The following DPY19L2 variants were observed in gnomAD, a reference collection of about 807,000 sequenced individuals.
DPY19L2 encodes the protein dpy-19 like 2.
In DPY19L2, 34 loss-of-function variants were observed where a neutral mutation model predicts 97.9. That is an observed-to-expected ratio of 0.35 (90% CI 0.26 to 0.46). DPY19L2 has a LOEUF of 0.46. Among genes scored for constraint, DPY19L2 ranks in the 20% least tolerant of loss-of-function variants. The pLI, the probability that DPY19L2 is intolerant of heterozygous loss-of-function variation, is 1.00. For synonymous variants in DPY19L2, 230 were observed against 307.9 expected (o/e 0.75, Z 2.65); for missense variants, 623 against 911.4 (o/e 0.68, Z 4.07).
intron 19 of DPY19L2, among the ~76,000 whole-genome samples, chr12:63,572,818 T>A (rs953044625): frequency 2.0e-5 from 3 of 152,114 alleles, no homozygotes; most frequent in Admixed American, 2.0e-4. Context: ...TTCTGGATTT[T>A]ATCCAAGACC....
chr12:63,616,868 G>A (rs1565774190), intron 11 of DPY19L2, among the ~76,000 whole-genome samples: 1 of 151,944 alleles, frequency 6.6e-6, no homozygotes, highest in Non-Finnish European at 1.5e-5. Context: ...CAAAATTTTG[G>A]TCATTTCCAA....
At chr12:63,590,474 G>T (rs558928618) in intron 16 of DPY19L2, among the ~76,000 whole-genome samples, 37 of 152,048 alleles carry the variant, frequency 2.4e-4, no homozygotes, top group Admixed American at 2.6e-4. Context: ...CAAAACATTG[G>T]TTTTTTTAAG....
intron 19 of DPY19L2, among the ~76,000 whole-genome samples, chr12:63,574,966 A>G (rs183655990): frequency 6.7e-4 from 102 of 152,160 alleles, no homozygotes; most frequent in African/African-American, 2.3e-3. Context: ...AGGACCTAAT[A>G]GATACTTACA....
At chr12:63,590,119 A>C (rs1419731017) in intron 16 of DPY19L2, among the ~76,000 whole-genome samples, 9 of 139,962 alleles carry the variant, frequency 6.4e-5, no homozygotes, top group Admixed American at 2.7e-4. Flanking sequence ...CAAAAAAAAC[A>C]AAACAAAACA....
At chr12:63,628,177 A>C (rs2137887341) in intron 6 of DPY19L2, among the ~76,000 whole-genome samples, 1 of 152,246 alleles carries the variant, frequency 6.6e-6, no homozygotes, top group Middle Eastern at 3.4e-3. Flanking sequence ...TTTCCAACTG[A>C]GGTACTGTGT....
At chr12:63,649,015 A>G (rs1345924460) in intron 4 of DPY19L2, among the ~76,000 whole-genome samples, 1 of 152,162 alleles carries the variant, frequency 6.6e-6, no homozygotes, top group Non-Finnish European at 1.5e-5. Context: ...AGAAATCAAT[A>G]CTAAGAACAT....
intron 19 of DPY19L2, among the ~76,000 whole-genome samples, chr12:63,578,683 T>C (rs1880326135): frequency 1.3e-5 from 2 of 152,162 alleles, no homozygotes; most frequent in Non-Finnish European, 2.9e-5. Context: ...TGAAAATTTC[T>C]TTATATGCCT....
intron 13 of DPY19L2, among the ~76,000 whole-genome samples, chr12:63,599,245 A>C (rs1884755293): frequency 6.6e-6 from 1 of 152,094 alleles, no homozygotes; most frequent in South Asian, 2.1e-4. Context: ...TAAGGCAAGA[A>C]ACATAATCAT....
At chr12:63,565,441 A>T (rs1395328305) in intron 21 of DPY19L2, among the ~76,000 whole-genome samples, 3 of 152,134 alleles carry the variant, frequency 2.0e-5, no homozygotes, top group Non-Finnish European at 4.4e-5. Context: ...TGCTTCTACC[A>T]TCACATCGCC....
At chr12:63,610,841 C>CAA (rs56044043) in intron 11 of DPY19L2, among the ~76,000 whole-genome samples, 173 of 10,750 alleles carry the variant, frequency 0.016, 34 homozygotes, top group South Asian at 0.057. Context: ...ATGAATATAG[C>CAA]AAAAAAAAAA....
chr12:63,624,199 G>A, intron 7 of DPY19L2, 68 bp from the exon 8 acceptor site: 3 of 1,223,056 alleles, frequency 2.5e-6, no homozygotes, highest in Non-Finnish European at 3.6e-6. Context: ...AACCAGGGGT[G>A]AGTTTGTTTT....
intron 6 of DPY19L2, among the ~76,000 whole-genome samples, chr12:63,640,656 T>C (rs1419437373): frequency 1.3e-5 from 2 of 152,194 alleles, no homozygotes; most frequent in African/African-American, 2.4e-5. Flanking sequence ...CAGTCACTAT[T>C]GGTTGACTCT....
At chr12:63,576,215 C>T (rs185762194) in intron 19 of DPY19L2, among the ~76,000 whole-genome samples, 20 of 151,860 alleles carry the variant, frequency 1.3e-4, no homozygotes, top group African/African-American at 3.9e-4. Flanking sequence ...TCCATAGATG[C>T]GGGAAAATCA....
chr12:63,627,419 G>T (rs1469976873), intron 6 of DPY19L2, among the ~76,000 whole-genome samples: 1 of 151,950 alleles, frequency 6.6e-6, no homozygotes, highest in Non-Finnish European at 1.5e-5. Flanking sequence ...GCGCGATCTC[G>T]GCTCACTGCA....
rs557941367 is a variant in DPY19L2, at chr12:63,656,477, C to A, written c.588+4867G>T. On this transcript the variant is annotated intron_variant, in intron 4 of 21. Transcript: ENST00000324472. The stretch of plus-strand genomic sequence containing the variant: ...ATACTCTTTAATGCGTTTACATTTA[C>A]CCCTAGGTTTGCATATGCATGTTTG... Among the ~76,000 whole-genome samples, 15 of 152,268 alleles carry A rather than the reference C, an allele frequency of 9.9e-5. No individual in the cohort carries two copies. In the East Asian group the frequency reaches 2.9e-3, roughly 29 times the overall value.
chr12:63,637,727 A>G (rs1466852180), intron 6 of DPY19L2, among the ~76,000 whole-genome samples: 1 of 152,124 alleles, frequency 6.6e-6, no homozygotes, highest in Non-Finnish European at 1.5e-5. Flanking sequence ...TAGCCTACCA[A>G]CCAAAAAAAG....
At chr12:63,592,013 G>A (rs867410098) in intron 16 of DPY19L2, among the ~76,000 whole-genome samples, 2 of 8,602 alleles carry the variant, frequency 2.3e-4, no homozygotes, top group African/African-American at 5.2e-4. Context: ...AGGGAGGGGA[G>A]GGGAGGGGAG....
chr12:63,565,142 T>C (rs1162831526), intron 21 of DPY19L2, among the ~76,000 whole-genome samples: 2 of 152,194 alleles, frequency 1.3e-5, no homozygotes, highest in African/African-American at 2.4e-5. Context: ...AAGTAGCCTA[T>C]AGTAGGGTCT....
At position 63,576,924 on chromosome 12, in the gene DPY19L2, T is replaced by C. The variant is rs139352152; in HGVS notation, c.1900+3738A>G. On this transcript the variant is annotated intron_variant, in intron 19 of 21. Transcript: ENST00000324472. ...CTACTAATGATATTCCTCACAGAGA[T>C]AGAAAAAACTATCCTTATTTATTCG... 3.8e-4 allele frequency among the ~76,000 whole-genome samples: 58 copies of C among 151,684 alleles called. No homozygotes were observed. In the East Asian group the frequency reaches 5.4e-3, roughly 14 times the overall value.
Sources: allele counts gnomAD v4.1 joint callset (sites outside exome capture counted in the v4.1 genomes callset), GRCh38; gene constraint gnomAD v4.1.1; transcripts MANE v1.5; gene names NCBI Gene and HGNC (gene_info 2026-07-23, HGNC 2026-07-21).